The following PLPP1 variants were observed in gnomAD, a reference collection of about 807,000 sequenced individuals.
PLPP1 encodes phospholipid phosphatase 1.
PLPP1 carries 24 observed loss-of-function variants against 31.2 expected under a neutral mutation model. That is an observed-to-expected ratio of 0.77 (90% confidence interval 0.56 to 1.08). PLPP1 has a LOEUF of 1.08. Ranked by LOEUF, PLPP1 falls within the 50% of genes least tolerant of loss-of-function variation. PLPP1 has a pLI of 0.00. For synonymous variants in PLPP1, 146 were observed against 126.3 expected, an observed-to-expected ratio of 1.16 and a Z score of -1.05; for missense variants, 319 against 342.7, an observed-to-expected ratio of 0.93 and a Z score of 0.55.
chr5:55,483,709 G>A (rs1752717943), intron 1 of PLPP1, among the ~76,000 whole-genome samples: 1 of 150,876 alleles, frequency 6.6e-6, no homozygotes, highest in Non-Finnish European at 1.5e-5. Context: ...GAAATTTTGG[G>A]TTGAGAGGCT....
chr5:55,525,071 A>T (rs898626614), intron 1 of PLPP1, among the ~76,000 whole-genome samples: 1 of 152,218 alleles, frequency 6.6e-6, no homozygotes, highest in Non-Finnish European at 1.5e-5. Flanking sequence ...GCTTTCACAC[A>T]TGACTAATAA....
chr5:55,499,426 T>A (rs957361911), intron 1 of PLPP1, among the ~76,000 whole-genome samples: 1 of 152,220 alleles, frequency 6.6e-6, no homozygotes, highest in Admixed American at 6.5e-5. Flanking sequence ...CAAATTATAA[T>A]GTGGTCTCTT....
At chr5:55,479,768 C>G (rs1005397469) in intron 1 of PLPP1, among the ~76,000 whole-genome samples, 8 of 152,184 alleles carry the variant, frequency 5.3e-5, no homozygotes, top group Non-Finnish European at 1.2e-4. Flanking sequence ...GTTAGAATTT[C>G]TACTCCTTGA....
At chr5:55,466,033 T>G (rs1244735889) in intron 3 of PLPP1, among the ~76,000 whole-genome samples, 1 of 152,210 alleles carries the variant, frequency 6.6e-6, no homozygotes, top group Non-Finnish European at 1.5e-5. Context: ...TGGACCATTC[T>G]TCCTCTAGCC....
chr5:55,531,032 A>C (rs1740652068), intron 1 of PLPP1, among the ~76,000 whole-genome samples: 1 of 152,226 alleles, frequency 6.6e-6, no homozygotes, highest in Admixed American at 6.5e-5. Flanking sequence ...TTCTCTGTAG[A>C]GCTTTTCTCA....
At chr5:55,467,796 A>G in intron 3 of PLPP1, 73 bp downstream of exon 3, 4 of 1,455,696 alleles carry the variant, frequency 2.7e-6, no homozygotes, top group Non-Finnish European at 3.7e-6. Context: ...TGCGTGGCTT[A>G]TCTTCCAGTC....
chr5:55,431,983 G>A (rs552937002), intron 4 of PLPP1, among the ~76,000 whole-genome samples: 2 of 152,276 alleles, frequency 1.3e-5, no homozygotes, highest in Admixed American at 6.5e-5. Context: ...GCACAGTGGC[G>A]TGATCATCAC....
chr5:55,432,242 T>C (rs927083044), intron 4 of PLPP1, among the ~76,000 whole-genome samples: 1 of 151,996 alleles, frequency 6.6e-6, no homozygotes, highest in African/African-American at 2.4e-5. Flanking sequence ...CATGCCTAGC[T>C]ATCAGAGACT....
At chr5:55,504,020 A>G (rs1753207123) in intron 1 of PLPP1, among the ~76,000 whole-genome samples, 1 of 151,912 alleles carries the variant, frequency 6.6e-6, no homozygotes, top group Non-Finnish European at 1.5e-5. Context: ...CACACCTGTC[A>G]TCTCAGCACT....
chr5:55,464,680 G>T (rs1752248258), intron 3 of PLPP1, among the ~76,000 whole-genome samples: 1 of 152,148 alleles, frequency 6.6e-6, no homozygotes, highest in Admixed American at 6.5e-5. Flanking sequence ...TGGATGAATT[G>T]CAAAACTAAC....
intron 3 of PLPP1, among the ~76,000 whole-genome samples, chr5:55,442,283 A>C (rs1751638182): frequency 6.6e-6 from 1 of 152,192 alleles, no homozygotes; most frequent in African/African-American, 2.4e-5. Flanking sequence ...TTCCACTTGC[A>C]GGATTAGTCC....
intron 3 of PLPP1, among the ~76,000 whole-genome samples, chr5:55,465,047 G>GTT: frequency 7.5e-6 from 1 of 134,008 alleles, no homozygotes; most frequent in Middle Eastern, 4.1e-3. Flanking sequence ...GGCGGAGGTG[G>GTT]TTTTTTTTTT....
intron 1 of PLPP1, among the ~76,000 whole-genome samples, chr5:55,494,445 T>C (rs1048495734): frequency 1.3e-5 from 2 of 152,130 alleles, no homozygotes; most frequent in African/African-American, 4.8e-5. Flanking sequence ...GGGGAGCTCA[T>C]TTATGGTGGA....
intron 1 of PLPP1, among the ~76,000 whole-genome samples, chr5:55,518,434 C>T (rs559920152): frequency 6.6e-6 from 1 of 152,210 alleles, no homozygotes; most frequent in South Asian, 2.1e-4. Flanking sequence ...GCTGGGGTTA[C>T]AGGCATGAGA....
At chr5:55,440,883 C>T (rs1751606590) in intron 4 of PLPP1, among the ~76,000 whole-genome samples, 1 of 152,004 alleles carries the variant, frequency 6.6e-6, no homozygotes, top group African/African-American at 2.4e-5. Flanking sequence ...GGGAAAAACA[C>T]AGGAAATGAC....
rs375924786 is a variant in PLPP1, at chr5:55,457,838, A to G, written c.491+10031T>C. Among the ~76,000 whole-genome samples, 145 of 151,840 alleles carry G rather than the reference A, an allele frequency of 9.5e-4. No homozygotes were observed. In the East Asian group the frequency reaches 0.015, roughly 16 times the overall value. ...CGGGAGGCAGAGGTTGCAGTGAGCCAAGATCACGCCACTGCACTCCAGCCT... is the reference window on the plus strand; with the variant it reads ...CGGGAGGCAGAGGTTGCAGTGAGCCGAGATCACGCCACTGCACTCCAGCCT... On this transcript the variant is annotated intron_variant, in intron 3 of 5. Coordinates refer to ENST00000307259, the MANE Select transcript of PLPP1 (RefSeq NM_003711.4).
At chr5:55,430,000 G>A (rs747940134) in intron 4 of PLPP1, among the ~76,000 whole-genome samples, 17 of 152,048 alleles carry the variant, frequency 1.1e-4, no homozygotes, top group African/African-American at 2.4e-4. Context: ...ACCATCGGGC[G>A]TTGGAGGGTG....
chr5:55,435,423 A>G (rs1751469475), intron 4 of PLPP1, among the ~76,000 whole-genome samples: 2 of 152,208 alleles, frequency 1.3e-5, no homozygotes, highest in South Asian at 4.1e-4. Context: ...GGTAACAGGG[A>G]GAATGGATGC....
At chr5:55,494,265 T>C (rs940941104) in intron 1 of PLPP1, among the ~76,000 whole-genome samples, 2 of 151,746 alleles carry the variant, frequency 1.3e-5, no homozygotes, top group African/African-American at 4.8e-5. Flanking sequence ...TGATAAGTAG[T>C]GTGTAGATAG....
Sources: gnomAD v4.1 joint callset for allele counts (sites outside exome capture counted in the v4.1 genomes callset) on GRCh38, gnomAD v4.1.1 for gene constraint, MANE v1.5 for transcripts, NCBI Gene and HGNC (gene_info 2026-07-23, HGNC 2026-07-21) for gene names.